LDLRAD4: variants seen among roughly 807,000 people sequenced by gnomAD.
The protein encoded by LDLRAD4 is low-density lipoprotein receptor class A domain-containing protein 4.
In LDLRAD4, 5 loss-of-function variants were observed where a neutral mutation model predicts 17.0. The observed-to-expected ratio is 0.29, with a 90% CI of 0.15 to 0.62. LDLRAD4 has a LOEUF of 0.62. LDLRAD4 is among the 20% of genes least tolerant of loss of function. The pLI is 0.84. For synonymous variants in LDLRAD4, 168 were observed against 171.8 expected (o/e 0.98, Z 0.17); for missense variants, 340 against 424.7 (o/e 0.80, Z 1.75).
chr18:13,379,047 A>T (rs1452547958), intron 1 of LDLRAD4, among the ~76,000 whole-genome samples: 2 of 152,226 alleles, frequency 1.3e-5, no homozygotes, highest in Admixed American at 1.3e-4. Context: ...TTTTCTCATT[A>T]GATACACAAT....
intron 3 of LDLRAD4, among the ~76,000 whole-genome samples, chr18:13,559,588 G>A (rs1413200946): frequency 6.6e-6 from 1 of 152,120 alleles, no homozygotes; most frequent in African/African-American, 2.4e-5. Flanking sequence ...TAGCTTACAT[G>A]TATATATACA....
chr18:13,506,590 C>A lies in LDLRAD4; in HGVS notation c.181+68206C>A, dbSNP rs141297437. 4.1e-3 allele frequency among the ~76,000 whole-genome samples: 629 copies of A among 152,238 alleles called. 4 individuals are homozygous for A. Among genetic ancestry groups the A allele is most frequent in the African/African-American group, 0.014 (602 of 41,538 alleles). On this transcript the variant is annotated intron_variant, in intron 3 of 5. Transcript: ENST00000359446. ...CTGTACATGAAAAACAGCAGGTTAT[C>A]CAGAAGCTCTAGCTAAGATCACTGA... is the stretch of plus-strand genomic sequence containing the variant.
chr18:13,280,382 AT>A (rs1410744366), intron 1 of LDLRAD4, among the ~76,000 whole-genome samples: 1 of 152,210 alleles, frequency 6.6e-6, no homozygotes, highest in African/African-American at 2.4e-5. Flanking sequence ...AAGATGCCTA[AT>A]TCAGCATTCC....
intron 3 of LDLRAD4, among the ~76,000 whole-genome samples, chr18:13,527,275 G>T (rs1484056167): frequency 6.6e-6 from 1 of 152,266 alleles, no homozygotes; most frequent in Non-Finnish European, 1.5e-5. Flanking sequence ...AGAGAGTCGT[G>T]CATGGGAAGA....
intron 1 of LDLRAD4, among the ~76,000 whole-genome samples, chr18:13,313,503 G>A (rs898249062): frequency 6.6e-6 from 1 of 152,150 alleles, no homozygotes; most frequent in Admixed American, 6.5e-5. Context: ...TTTATCTCTG[G>A]TGAACCCGGT....
At chr18:13,534,539 C>T (rs1298210131) in intron 3 of LDLRAD4, among the ~76,000 whole-genome samples, 1 of 151,860 alleles carries the variant, frequency 6.6e-6, no homozygotes, top group Admixed American at 6.6e-5. Flanking sequence ...TGAAGAGACC[C>T]TGTTGCTAAA....
chr18:13,471,249 G>C (rs1227704912), intron 3 of LDLRAD4: 1 of 152,214 alleles, frequency 6.6e-6, no homozygotes, highest in East Asian at 1.9e-4. Context: ...CATGCGCTGG[G>C]TCTGGCTGAG....
chr18:13,218,842 T>A (rs2041285646), exon 1 of LDLRAD4: 1 of 152,916 alleles, frequency 6.5e-6, no homozygotes, highest in Admixed American at 6.5e-5. Flanking sequence ...TCTCTGCCCC[T>A]CACCTTGGAA....
intron 1 of LDLRAD4, among the ~76,000 whole-genome samples, chr18:13,326,019 G>A (rs879628252): frequency 2.0e-5 from 3 of 151,248 alleles, no homozygotes; most frequent in African/African-American, 4.9e-5. Flanking sequence ...CGCTTGCCTC[G>A]GCCTCCCAAA....
chr18:13,401,996 C>T (rs1438021427), intron 2 of LDLRAD4, among the ~76,000 whole-genome samples: 4 of 152,238 alleles, frequency 2.6e-5, no homozygotes, highest in African/African-American at 9.6e-5. Flanking sequence ...CAGGATGAAA[C>T]AGCGCAGAGA....
chr18:13,606,195 G>A (rs1044471096), intron 3 of LDLRAD4, among the ~76,000 whole-genome samples: 12 of 152,144 alleles, frequency 7.9e-5, no homozygotes, highest in Admixed American at 7.2e-4. Context: ...ACTTTATACT[G>A]CCTCCCATTT....
intron 4 of LDLRAD4, among the ~76,000 whole-genome samples, chr18:13,640,961 A>G (rs1394683748): frequency 6.6e-6 from 1 of 152,232 alleles, no homozygotes; most frequent in Non-Finnish European, 1.5e-5. Context: ...CACAGTGCAG[A>G]GGTGCAGCAC....
chr18:13,321,738 G>A (rs894961463), intron 1 of LDLRAD4, among the ~76,000 whole-genome samples: 3 of 151,776 alleles, frequency 2.0e-5, no homozygotes, highest in Non-Finnish European at 2.9e-5. Flanking sequence ...ATGTGTGCCT[G>A]TAATTTCAGC....
chr18:13,525,833 C>T (rs565118765), intron 3 of LDLRAD4, among the ~76,000 whole-genome samples: 12 of 152,216 alleles, frequency 7.9e-5, no homozygotes, highest in Non-Finnish European at 1.6e-4. Flanking sequence ...CCAGGAGGAA[C>T]GGTTCTTCTC....
At chr18:13,425,237 G>T (rs8093150) in intron 2 of LDLRAD4, among the ~76,000 whole-genome samples, 66,651 of 152,016 alleles carry the variant, frequency 0.44, 15,983 homozygotes, top group East Asian at 0.65. Context: ...GAAAAAATAA[G>T]GCAAGGAACA....
intron 1 of LDLRAD4, among the ~76,000 whole-genome samples, chr18:13,343,097 T>C (rs2082469690): frequency 6.6e-6 from 1 of 152,184 alleles, no homozygotes; most frequent in Non-Finnish European, 1.5e-5. Flanking sequence ...GACTTTTTTA[T>C]TATACTTTAA....
chr18:13,247,332 T>TA lies in LDLRAD4; in HGVS notation c.-467+28344_-467+28345insA, dbSNP rs140059305. Among the ~76,000 whole-genome samples the TA allele has an allele frequency of 0.03, 4,642 of 152,284 alleles. 335 individuals are homozygous for TA. In the East Asian group the frequency reaches 0.32, roughly 10 times the overall value. Reference sequence around the variant, plus strand: ...AAGGCATTAACATCATATGTAATCATGGCACGCGTATCACAACTAAGAAAT... The same window carrying TA: ...AAGGCATTAACATCATATGTAATCATAGGCACGCGTATCACAACTAAGAAAT... On this transcript the variant is annotated intron_variant, in intron 1 of 5. Transcript: ENST00000399848.
chr18:13,550,164 C>G (rs1003176914), intron 3 of LDLRAD4, among the ~76,000 whole-genome samples: 6 of 152,098 alleles, frequency 3.9e-5, no homozygotes, highest in Non-Finnish European at 1.5e-5. Context: ...CACAACATGA[C>G]AATGTAAGTT....
chr18:13,635,052 TATAAC>T (rs1473078705), intron 4 of LDLRAD4, among the ~76,000 whole-genome samples: 1 of 152,190 alleles, frequency 6.6e-6, no homozygotes, highest in Admixed American at 6.5e-5. Flanking sequence ...ATTGGACCCT[TATAAC>T]ATATTCAAAA....
Sources: allele counts gnomAD v4.1 joint callset (sites outside exome capture counted in the v4.1 genomes callset), GRCh38; gene constraint gnomAD v4.1.1; transcripts MANE v1.5; gene names NCBI Gene and HGNC (gene_info 2026-07-23, HGNC 2026-07-21).